Variants in BMPER observed in about 807,000 individuals in gnomAD.
The protein encoded by BMPER is BMP binding endothelial regulator.
BMPER carries 45 observed loss-of-function variants against 87.3 expected under a neutral mutation model. The ratio of observed to expected loss-of-function variants is 0.52; its 90% CI spans 0.41 to 0.66. BMPER has a LOEUF of 0.66. Among genes scored for constraint, BMPER ranks in the 30% least tolerant of loss-of-function variants. The probability of loss-of-function intolerance (pLI) is 0.00; values close to 1 mark genes in which losing one functional copy is unlikely to be tolerated. For missense variants in BMPER, 784 were observed against 867.5 expected, an observed-to-expected ratio of 0.90 and a Z score of 1.21; for synonymous variants, 326 against 316.2, an observed-to-expected ratio of 1.03 and a Z score of -0.33.
At chr7:34,135,269 CG>C (rs1380391602) in intron 13 of BMPER, among the ~76,000 whole-genome samples, 9 of 151,840 alleles carry the variant, frequency 5.9e-5, no homozygotes, top group Non-Finnish European at 7.4e-5. Context: ...CTTGACAAGC[CG>C]GGAAGCAAGC....
At chr7:33,956,916 A>T (rs1181841480) in intron 3 of BMPER, among the ~76,000 whole-genome samples, 2 of 152,200 alleles carry the variant, frequency 1.3e-5, no homozygotes, top group Non-Finnish European at 2.9e-5. Flanking sequence ...AGGGTTGGTC[A>T]AGGGTCAACT....
chr7:33,988,137 A>C (rs867060769), intron 6 of BMPER, among the ~76,000 whole-genome samples: 1 of 152,216 alleles, frequency 6.6e-6, no homozygotes, highest in South Asian at 2.1e-4. Flanking sequence ...CATTTTATTA[A>C]ACAAGTGTTT....
chr7:33,952,732 G>GA (rs1435432428), intron 3 of BMPER, among the ~76,000 whole-genome samples: 3 of 152,142 alleles, frequency 2.0e-5, no homozygotes, highest in Non-Finnish European at 2.9e-5. Context: ...TTTGATCAGA[G>GA]AATACTCTTG....
chr7:34,020,936 A>G (rs1787168664), intron 6 of BMPER, among the ~76,000 whole-genome samples: 1 of 151,864 alleles, frequency 6.6e-6, no homozygotes, highest in African/African-American at 2.4e-5. Flanking sequence ...GTGTGTGTAT[A>G]AAGAGAGAGG....
At position 34,026,182 on chromosome 7, in the gene BMPER, G is replaced by C. The variant is rs375899900; in HGVS notation, c.577-20124G>C. 1.1e-4 allele frequency among the ~76,000 whole-genome samples: 16 copies of C among 152,124 alleles called. No homozygotes were observed. In the South Asian group the frequency reaches 3.3e-3, roughly 32 times the overall value. ...TGGGTGATCCTCTTTCTTTAGCCCT[G>C]ATTAGTCTGGAAGCTAGGTTTAGGT... On this transcript the variant is annotated intron_variant, in intron 6 of 14. Transcript: ENST00000649409.
intron 3 of BMPER, 64 bp downstream of exon 3, chr7:33,937,452 T>A: frequency 6.5e-7 from 1 of 1,530,820 alleles, no homozygotes; most frequent in Non-Finnish European, 9.0e-7. Flanking sequence ...TTTCTCTTTC[T>A]CTCACCTTCC....
chr7:34,064,432 G>A (rs1788523584), intron 11 of BMPER, among the ~76,000 whole-genome samples: 1 of 152,182 alleles, frequency 6.6e-6, no homozygotes, highest in African/African-American at 2.4e-5. Context: ...TTATGAGCTG[G>A]ACTTTCCATA....
intron 11 of BMPER, among the ~76,000 whole-genome samples, chr7:34,071,104 C>T (rs1251760107): frequency 6.6e-6 from 1 of 152,100 alleles, no homozygotes; most frequent in East Asian, 1.9e-4. Context: ...AGAAGGCTTA[C>T]TTCATTCTAG....
chr7:34,134,751 A>T (rs962581472), intron 13 of BMPER, among the ~76,000 whole-genome samples: 2 of 152,180 alleles, frequency 1.3e-5, no homozygotes, highest in Admixed American at 1.3e-4. Flanking sequence ...TACTCTTCAC[A>T]TATGGTCTGA....
chr7:34,070,485 T>G (rs1161956907), intron 11 of BMPER, among the ~76,000 whole-genome samples: 1 of 152,164 alleles, frequency 6.6e-6, no homozygotes, highest in African/African-American at 2.4e-5. Context: ...CTCATCCTAT[T>G]GCTTGCATGT....
At chr7:33,928,109 C>T (rs1271076321) in intron 2 of BMPER, among the ~76,000 whole-genome samples, 1 of 152,086 alleles carries the variant, frequency 6.6e-6, no homozygotes, top group African/African-American at 2.4e-5. Context: ...TCTGCCGCAC[C>T]GACCCCATCC....
intron 6 of BMPER, among the ~76,000 whole-genome samples, chr7:34,017,085 A>G (rs76566888): frequency 0.014 from 2,064 of 151,970 alleles, 60 homozygotes; most frequent in African/African-American, 0.047. Context: ...GTCACTCCAG[A>G]TGGCTTTTTT....
chr7:33,915,874 T>C (rs1562627838), intron 2 of BMPER, among the ~76,000 whole-genome samples: 1 of 152,262 alleles, frequency 6.6e-6, no homozygotes. Context: ...ATTTCTACCC[T>C]TTAATAGTTG....
intron 6 of BMPER, among the ~76,000 whole-genome samples, chr7:34,041,285 A>C (rs757604189): frequency 4.6e-5 from 7 of 152,160 alleles, no homozygotes; most frequent in Non-Finnish European, 1.0e-4. Context: ...AGACTTACGT[A>C]AAATGATAAA....
At chr7:33,913,555 G>A (rs1167056719) in intron 2 of BMPER, among the ~76,000 whole-genome samples, 1 of 152,080 alleles carries the variant, frequency 6.6e-6, no homozygotes, top group African/African-American at 2.4e-5. Context: ...AGAAGGTGTT[G>A]GGATAAACCA....
chr7:34,116,418 A>G (rs1029697983), intron 13 of BMPER, among the ~76,000 whole-genome samples: 2 of 152,172 alleles, frequency 1.3e-5, no homozygotes, highest in African/African-American at 2.4e-5. Context: ...TTACAGAGAA[A>G]GAAACTTGTA....
chr7:33,978,873 C>G (rs1339916050), intron 6 of BMPER, among the ~76,000 whole-genome samples: 2 of 152,124 alleles, frequency 1.3e-5, no homozygotes, highest in Admixed American at 1.3e-4. Context: ...GCTCATTAAA[C>G]TTCTTGAAAA....
chr7:34,046,449 C>T, intron 7 of BMPER, 44 bp downstream of exon 7: 1 of 1,574,236 alleles, frequency 6.4e-7, no homozygotes, highest in Non-Finnish European at 8.7e-7. Context: ...AATTTCTTCT[C>T]AAAGTTTCTG....
chr7:34,148,609 C>CT (rs1426442022), intron 14 of BMPER, among the ~76,000 whole-genome samples: 7 of 151,508 alleles, frequency 4.6e-5, no homozygotes, highest in East Asian at 1.9e-4. Flanking sequence ...AGAGAGATTT[C>CT]TTTTTTTTTC....
Sources: gnomAD v4.1 joint callset for allele counts (sites outside exome capture counted in the v4.1 genomes callset) on GRCh38, gnomAD v4.1.1 for gene constraint, MANE v1.5 for transcripts, NCBI Gene and HGNC (gene_info 2026-07-23, HGNC 2026-07-21) for gene names.